The following FERMT2 variants were observed in gnomAD, a reference collection of about 807,000 sequenced individuals.
FERMT2 encodes FERM domain containing kindlin 2, also known as fermitin family homolog 2.
A neutral mutation model predicts 82.7 loss-of-function variants in FERMT2; 15 were observed. The ratio of observed to expected loss-of-function variants is 0.18; its 90% CI spans 0.12 to 0.28. The LOEUF is 0.28. Among genes scored for constraint, FERMT2 ranks in the 10% least tolerant of loss-of-function variants. FERMT2 has a pLI of 1.00. For synonymous variants in FERMT2, 274 were observed against 271.5 expected, an observed-to-expected ratio of 1.01 and a Z score of -0.09; for missense variants, 645 against 809.4, an observed-to-expected ratio of 0.80 and a Z score of 2.46.
intron 3 of FERMT2, among the ~76,000 whole-genome samples, chr14:52,917,686 C>T (rs1440419011): frequency 1.3e-5 from 2 of 152,044 alleles, no homozygotes; most frequent in Non-Finnish European, 2.9e-5. Context: ...CATAACAGTG[C>T]TAGGAGACAG....
rs1307733440 is a variant in FERMT2, at chr14:52,893,446, G to A, written c.392-19C>T. ...CTGATATCTGTTAATAAAATAGATTGTTTTACTAGAACAAAGGAAAATTTA... is the reference window on the plus strand; with the variant it reads ...CTGATATCTGTTAATAAAATAGATTATTTTACTAGAACAAAGGAAAATTTA... On this transcript the variant is annotated intron_variant, in intron 3 of 14. Transcript: ENST00000341590. 1 of 1,551,528 alleles carries A rather than the reference G, an allele frequency of 6.4e-7. No homozygotes were observed. Among genetic ancestry groups the A allele is most frequent in the Non-Finnish European group, 8.7e-7 (1 of 1,146,554 alleles).
intron 2 of FERMT2, among the ~76,000 whole-genome samples, chr14:52,936,827 T>C (rs1048869269): frequency 3.3e-5 from 5 of 152,156 alleles, no homozygotes; most frequent in Non-Finnish European, 5.9e-5. Flanking sequence ...TCAATTACCA[T>C]AATACTCACT....
chr14:52,932,604 T>C lies in FERMT2; in HGVS notation c.158-13248A>G, dbSNP rs1889641966. Among the ~76,000 whole-genome samples the C allele has an allele frequency of 2.6e-5, 4 of 152,094 alleles. No individual in the cohort carries two copies. In the South Asian group the frequency reaches 8.3e-4, roughly 32 times the overall value. On this transcript the variant is annotated intron_variant, in intron 2 of 14. Coordinates refer to ENST00000341590, the MANE Select transcript of FERMT2 (RefSeq NM_006832.3). The stretch of plus-strand genomic sequence containing the variant: ...ATGGCTATGAATGCAAAGAAGCAAT[T>C]AAGAAAAATAATAACAATAATGTAC...
At chr14:52,915,321 C>T (rs1417925385) in intron 3 of FERMT2, among the ~76,000 whole-genome samples, 15 of 152,118 alleles carry the variant, frequency 9.9e-5, no homozygotes, top group Admixed American at 7.2e-4. Flanking sequence ...AATCAACCCA[C>T]GCAATTCTGA....
intron 2 of FERMT2, chr14:52,928,287 T>C (rs1487628296): frequency 4.9e-6 from 1 of 203,710 alleles, no homozygotes; most frequent in Admixed American, 4.9e-5. Context: ...ACGTGACTTA[T>C]TTCTGATAAA....
rs1594921592 is a variant in FERMT2, at chr14:52,860,217, C to A, written c.1727+124G>T. On this transcript the variant is annotated intron_variant, in intron 13 of 14. Transcript: ENST00000341590. ...AATACATTCTAACAGTCTTTGAATT[C>A]TATTGTAATATGAGTTAATGGGTCT... 6 of 678,676 alleles carry A rather than the reference C, an allele frequency of 8.8e-6. No individual in the cohort carries two copies. The East Asian group carries it at 1.2e-4, about 13-fold the overall frequency. The allele number at this position is 678,676 out of a possible 1,614,324, so 42.0% of individuals were successfully genotyped here.
chr14:52,937,425 T>A (rs1444247522), intron 2 of FERMT2, among the ~76,000 whole-genome samples: 1 of 152,198 alleles, frequency 6.6e-6, no homozygotes, highest in Non-Finnish European at 1.5e-5. Flanking sequence ...CCATGAACAC[T>A]GCAATCCCCA....
At chr14:52,889,002 T>C (rs1886770317) in intron 4 of FERMT2, among the ~76,000 whole-genome samples, 1 of 152,078 alleles carries the variant, frequency 6.6e-6, no homozygotes, top group African/African-American at 2.4e-5. Context: ...GAGACGGGTG[T>C]GTGCACAGTG....
intron 7 of FERMT2, among the ~76,000 whole-genome samples, chr14:52,878,011 T>C (rs1262442614): frequency 2.0e-5 from 3 of 152,174 alleles, no homozygotes. Flanking sequence ...CCCCTATAAT[T>C]CTGAAGGAGG....
intron 2 of FERMT2, among the ~76,000 whole-genome samples, chr14:52,924,116 G>A (rs1566753324): frequency 1.3e-5 from 2 of 152,174 alleles, no homozygotes; most frequent in Admixed American, 1.3e-4. Context: ...TGTACTGTGT[G>A]CAAGAAGGCA....
At chr14:52,927,649 G>A (rs1309639219) in intron 2 of FERMT2, among the ~76,000 whole-genome samples, 1 of 146,432 alleles carries the variant, frequency 6.8e-6, no homozygotes, top group African/African-American at 2.5e-5. Context: ...CTGTGCCTGT[G>A]GTCCTAGCTA....
At chr14:52,935,775 TG>T (rs772269697) in intron 2 of FERMT2, among the ~76,000 whole-genome samples, 3 of 152,174 alleles carry the variant, frequency 2.0e-5, no homozygotes, top group Non-Finnish European at 4.4e-5. Context: ...AGTTGAAAAC[TG>T]GGGAATTCAC....
intron 2 of FERMT2, among the ~76,000 whole-genome samples, chr14:52,941,022 G>T (rs528913809): frequency 6.6e-6 from 1 of 152,140 alleles, no homozygotes; most frequent in East Asian, 1.9e-4. Flanking sequence ...CATTCACACG[G>T]ATGTTTACAG....
Position 52,874,238 on chromosome 14 carries a change from T to G in FERMT2, c.1099-12A>C, listed in dbSNP as rs1277862755. On this transcript the variant is annotated splice_polypyrimidine_tract_variant and intron_variant, in intron 8 of 14. Transcript: ENST00000341590. ...GAAGTAATGTCACCCTAGGAGAGAG[T>G]TAAATCCTTTTTTAATTTTTTTAAT... is the stretch of plus-strand genomic sequence containing the variant. 4.5e-6 allele frequency: 7 copies of G among 1,552,020 alleles called. No individual in the cohort carries two copies. Among genetic ancestry groups the G allele is most frequent in the Non-Finnish European group, 6.1e-6 (7 of 1,148,264 alleles).
intron 3 of FERMT2, among the ~76,000 whole-genome samples, chr14:52,913,663 T>A (rs1225697351): frequency 7.8e-6 from 1 of 127,392 alleles, no homozygotes. Flanking sequence ...AGAAGTTCAA[T>A]GCCATGCAGC....
chr14:52,925,738 A>C (rs982931052), intron 2 of FERMT2, among the ~76,000 whole-genome samples: 4 of 152,064 alleles, frequency 2.6e-5, no homozygotes, highest in African/African-American at 4.8e-5. Context: ...TCCCGGGTTC[A>C]AGTGATTCTC....
chr14:52,893,441 A>T lies in FERMT2; in HGVS notation c.392-14T>A, dbSNP rs779833756. ...GGTGTCTGATATCTGTTAATAAAATAGATTGTTTTACTAGAACAAAGGAAA... is the reference window on the plus strand; with the variant it reads ...GGTGTCTGATATCTGTTAATAAAATTGATTGTTTTACTAGAACAAAGGAAA... On this transcript the variant is annotated splice_polypyrimidine_tract_variant and intron_variant, in intron 3 of 14. Transcript: ENST00000341590. The T allele has an allele frequency of 6.4e-7, 1 of 1,568,816 alleles. No individual in the cohort carries two copies. The highest frequency in any genetic ancestry group is 2.2e-5 in the East Asian group (1 of 44,584).
chr14:52,930,953 T>C (rs1016203385), intron 2 of FERMT2, among the ~76,000 whole-genome samples: 15 of 152,226 alleles, frequency 9.9e-5, no homozygotes, highest in Non-Finnish European at 1.8e-4. Flanking sequence ...CCTTTAGGTC[T>C]TTCTCCTCCC....
At position 52,860,332 on chromosome 14, in the gene FERMT2, A is replaced by G. The variant is rs1884848814; in HGVS notation, c.1727+9T>C. The G allele has an allele frequency of 2.5e-6, 4 of 1,613,088 alleles. No homozygotes were observed. The highest frequency in any genetic ancestry group is 3.4e-6 in the Non-Finnish European group (4 of 1,179,690). Reference sequence around the variant, plus strand: ...TAAGGTTTACACATAGATGCTTAGAACCACTGACCTTGCAATGAAGTGAGT... The same window carrying G: ...TAAGGTTTACACATAGATGCTTAGAGCCACTGACCTTGCAATGAAGTGAGT... On this transcript the variant is annotated intron_variant, in intron 13 of 14. Coordinates refer to ENST00000341590, the MANE Select transcript of FERMT2 (RefSeq NM_006832.3).
Sources: gnomAD v4.1 joint callset for allele counts (sites outside exome capture counted in the v4.1 genomes callset) on GRCh38, gnomAD v4.1.1 for gene constraint, MANE v1.5 for transcripts, NCBI Gene and HGNC (gene_info 2026-07-23, HGNC 2026-07-21) for gene names.